Variants in SEC24D observed in about 807,000 individuals in gnomAD.
SEC24D encodes the protein protein transport protein Sec24D.
In SEC24D, 69 loss-of-function variants were observed where a neutral mutation model predicts 116.9. That is an observed-to-expected ratio of 0.59 (90% CI 0.49 to 0.72). The LOEUF is 0.72. SEC24D is among the 30% of genes least tolerant of loss of function. The pLI is 0.00. For missense variants in SEC24D, 1,131 were observed against 1,264.1 expected (o/e 0.89, Z 1.60); for synonymous variants, 405 against 442.8 (o/e 0.91, Z 1.07).
At chr4:118,751,408 T>G (rs1726827637) in intron 13 of SEC24D, among the ~76,000 whole-genome samples, 1 of 152,040 alleles carries the variant, frequency 6.6e-6, no homozygotes, top group African/African-American at 2.4e-5. Flanking sequence ...AAACTCCCAA[T>G]TTCAGGTGGT....
chr4:118,806,838 T>C (rs13112913), intron 6 of SEC24D, among the ~76,000 whole-genome samples: 55,983 of 151,582 alleles, frequency 0.37, 11,078 homozygotes, highest in East Asian at 0.55. Flanking sequence ...GTTTAAAAAA[T>C]TAGCCAGGCA....
chr4:118,783,895 T>C (rs10000973), intron 8 of SEC24D, among the ~76,000 whole-genome samples: 2,074 of 152,334 alleles, frequency 0.014, 45 homozygotes, highest in African/African-American at 0.047. Context: ...CAGTTCAATC[T>C]GCTATTGACG....
At chr4:118,750,413 A>G (rs1726764167) in intron 13 of SEC24D, among the ~76,000 whole-genome samples, 1 of 152,228 alleles carries the variant, frequency 6.6e-6, no homozygotes, top group East Asian at 1.9e-4. Context: ...GAAATGAAAT[A>G]TGGGGTTGAG....
At chr4:118,740,879 T>C in intron 16 of SEC24D, 62 bp downstream of exon 16, 1 of 1,598,340 alleles carries the variant, frequency 6.3e-7, no homozygotes, top group Non-Finnish European at 8.5e-7. Flanking sequence ...TGGCCTGTTA[T>C]TAATTTGAAA....
chr4:118,752,062 A>C lies in SEC24D; in HGVS notation c.1641T>G (p.Phe547Leu). 6.2e-7 allele frequency: 1 copy of C among 1,612,870 alleles called. No homozygotes were observed. The highest frequency in any genetic ancestry group is 8.5e-7 in the Non-Finnish European group (1 of 1,179,146). ...CAGTCTCATTTTCATTAGAGTCTGC[A>C]AACATGTCTGGAATCTGGTCCAACA... The part of the protein sequence containing the change: ...HNLLDQIPDM[F>L]ADSNENETVF... The change falls in exon 13 of 23, where the codon TTT becomes TTG. Residue 547 changes from phenylalanine (F) to leucine (L), a missense_variant. Physicochemically the swap from Phe to Leu is conservative, Grantham distance 22. Coordinates refer to ENST00000280551, the MANE Select transcript of SEC24D (RefSeq NM_014822.4).
At chr4:118,806,702 G>A (rs1056769953) in intron 6 of SEC24D, among the ~76,000 whole-genome samples, 9 of 152,062 alleles carry the variant, frequency 5.9e-5, no homozygotes, top group African/African-American at 1.7e-4. Flanking sequence ...AGGAAATACT[G>A]GCCTGGCACA....
intron 6 of SEC24D, among the ~76,000 whole-genome samples, chr4:118,813,938 T>G (rs1730025410): frequency 6.6e-6 from 1 of 152,132 alleles, no homozygotes; most frequent in Non-Finnish European, 1.5e-5. Context: ...TGGCCCAGAT[T>G]AGAAAAACCG....
At chr4:118,724,265 G>C (rs1434404278) in intron 22 of SEC24D, among the ~76,000 whole-genome samples, 1 of 152,110 alleles carries the variant, frequency 6.6e-6, no homozygotes, top group Admixed American at 6.5e-5. Context: ...AGAGATGCTA[G>C]AGAGGTTAAC....
intron 8 of SEC24D, among the ~76,000 whole-genome samples, chr4:118,784,306 G>T (rs544276052): frequency 1.0e-3 from 152 of 152,254 alleles, no homozygotes; most frequent in African/African-American, 3.5e-3. Context: ...TAAGAGGAAA[G>T]ATGACTTGTT....
chr4:118,765,523 T>C (rs1242719972), intron 9 of SEC24D, among the ~76,000 whole-genome samples: 1 of 152,184 alleles, frequency 6.6e-6, no homozygotes, highest in Non-Finnish European at 1.5e-5. Flanking sequence ...AGTCATCCAA[T>C]AGCACAGGAA....
intron 6 of SEC24D, among the ~76,000 whole-genome samples, chr4:118,806,743 G>C (rs1254121835): frequency 6.6e-6 from 1 of 152,166 alleles, no homozygotes; most frequent in Non-Finnish European, 1.5e-5. Flanking sequence ...CAGCACTTTG[G>C]GAGTCCGAGG....
chr4:118,772,295 T>C (rs1727937942), intron 8 of SEC24D, among the ~76,000 whole-genome samples: 1 of 152,208 alleles, frequency 6.6e-6, no homozygotes, highest in African/African-American at 2.4e-5. Flanking sequence ...ATTAAGGCTG[T>C]ATATACCTTA....
chr4:118,747,987 C>T (rs574741289), intron 13 of SEC24D, among the ~76,000 whole-genome samples: 6 of 152,138 alleles, frequency 3.9e-5, no homozygotes, highest in Non-Finnish European at 7.4e-5. Flanking sequence ...TATAGTAGGC[C>T]GGGCGTGGTG....
At position 118,745,717 on chromosome 4, in the gene SEC24D, A is replaced by C. The variant is rs1726485952; in HGVS notation, c.1708-657T>G. 3.3e-5 allele frequency among the ~76,000 whole-genome samples: 5 copies of C among 152,326 alleles called. No homozygotes were observed. In the South Asian group the frequency reaches 1.0e-3, roughly 32 times the overall value. Reference sequence around the variant, plus strand: ...TCAAGATTTAAAATTTTATTTAAGGAGCTAAGAAGTAACCTACTAAGCAAA... The same window carrying C: ...TCAAGATTTAAAATTTTATTTAAGGCGCTAAGAAGTAACCTACTAAGCAAA... On this transcript the variant is annotated intron_variant, in intron 13 of 22. Coordinates refer to ENST00000280551, the MANE Select transcript of SEC24D (RefSeq NM_014822.4).
chr4:118,773,184 A>T (rs191615536), intron 8 of SEC24D, among the ~76,000 whole-genome samples: 75 of 152,128 alleles, frequency 4.9e-4, no homozygotes, highest in Non-Finnish European at 6.2e-4. Flanking sequence ...GTATTCAGGA[A>T]TGTAATCAGC....
Position 118,793,495 on chromosome 4 carries a change from A to T in SEC24D, c.1041+4188T>A, listed in dbSNP as rs1729037971. Among the ~76,000 whole-genome samples, 5 of 150,168 alleles carry T rather than the reference A, an allele frequency of 3.3e-5. No individual in the cohort carries two copies. The South Asian group carries it at 8.4e-4, about 25-fold the overall frequency. On this transcript the variant is annotated intron_variant, in intron 8 of 22. Coordinates refer to ENST00000280551, the MANE Select transcript of SEC24D (RefSeq NM_014822.4). The stretch of plus-strand genomic sequence containing the variant: ...AAAAAAAAAAAAAAAAAAAAAAAGA[A>T]GGCCCAAACACTTGGTAGCACACAG...
intron 21 of SEC24D, 21 bp from the exon 22 acceptor site, chr4:118,728,671 A>C: frequency 7.1e-7 from 1 of 1,404,944 alleles, no homozygotes; most frequent in Non-Finnish European, 1.0e-6. Flanking sequence ...AGAAAATCAA[A>C]GTTTTAGTAC....
intron 3 of SEC24D, among the ~76,000 whole-genome samples, chr4:118,819,530 CAAAAAAAAAAAAAA>C (rs373794417): frequency 1.6e-5 from 1 of 60,928 alleles, no homozygotes; most frequent in South Asian, 7.1e-4. Flanking sequence ...GACCCCGTCT[CAAAAAAAAAAAAAA>C]AAAAAAAAAA....
At chr4:118,790,660 A>G (rs553754082) in intron 8 of SEC24D, among the ~76,000 whole-genome samples, 3 of 152,138 alleles carry the variant, frequency 2.0e-5, no homozygotes, top group South Asian at 2.1e-4. Flanking sequence ...TGGAAATAGC[A>G]AACATCTCCA....
Sources: allele counts gnomAD v4.1 joint callset (sites outside exome capture counted in the v4.1 genomes callset), GRCh38; gene constraint gnomAD v4.1.1; transcripts MANE v1.5; gene names NCBI Gene and HGNC (gene_info 2026-07-23, HGNC 2026-07-21).